The following REDIC1 variants were observed in gnomAD, a reference collection of about 807,000 sequenced individuals.
REDIC1 encodes regulator of DNA class I crossover intermediates 1, also known as HEI10 Interacting Protein 1.
the REDIC1 span, among the ~76,000 whole-genome samples, chr12:39,851,694 C>T: frequency 4.6e-5 from 7 of 152,142 alleles, no homozygotes; most frequent in South Asian, 2.1e-4. Context: ...AGAAAAGCAG[C>T]GGAATGAAGG....
the REDIC1 span, among the ~76,000 whole-genome samples, chr12:39,774,231 G>T: frequency 6.6e-6 from 1 of 152,102 alleles, no homozygotes; most frequent in East Asian, 1.9e-4. Context: ...GAGAACTAAA[G>T]AAGCAAAATC....
chr12:39,874,808 T>C, the REDIC1 span, among the ~76,000 whole-genome samples: 1 of 152,164 alleles, frequency 6.6e-6, no homozygotes, highest in Non-Finnish European at 1.5e-5. Context: ...GACATTACTC[T>C]GGTGAGAGCC....
At chr12:39,728,767 A>C in the REDIC1 span, among the ~76,000 whole-genome samples, 1 of 136,472 alleles carries the variant, frequency 7.3e-6, no homozygotes, top group African/African-American at 2.8e-5. Flanking sequence ...CTCTGAATCC[A>C]TCTGGTCCTG....
At chr12:39,885,064 T>C in the REDIC1 span, among the ~76,000 whole-genome samples, 1 of 152,222 alleles carries the variant, frequency 6.6e-6, no homozygotes, top group East Asian at 1.9e-4. Context: ...GACAGTGATA[T>C]GAATTGTGAC....
the REDIC1 span, among the ~76,000 whole-genome samples, chr12:39,801,788 A>C: frequency 6.6e-6 from 1 of 152,218 alleles, no homozygotes; most frequent in Non-Finnish European, 1.5e-5. Flanking sequence ...TTTGTGCAAA[A>C]TCAGATCAAC....
At chr12:39,807,112 G>T in the REDIC1 span, among the ~76,000 whole-genome samples, 1 of 148,682 alleles carries the variant, frequency 6.7e-6, no homozygotes, top group Non-Finnish European at 1.5e-5. Context: ...TGGTGGAAAA[G>T]TAATTACAGT....
the REDIC1 span, among the ~76,000 whole-genome samples, chr12:39,906,063 C>G: frequency 6.6e-6 from 1 of 152,094 alleles, no homozygotes; most frequent in East Asian, 1.9e-4. Context: ...AACTTTATCA[C>G]GATAGACAAA....
At chr12:39,777,919 C>T in the REDIC1 span, among the ~76,000 whole-genome samples, 1 of 152,224 alleles carries the variant, frequency 6.6e-6, no homozygotes, top group Non-Finnish European at 1.5e-5. Context: ...AGCCCTCTGT[C>T]CCTGCAGTAA....
the REDIC1 span, among the ~76,000 whole-genome samples, chr12:39,880,700 A>C: frequency 1.3e-5 from 2 of 152,230 alleles, no homozygotes; most frequent in East Asian, 1.9e-4. Flanking sequence ...GGATTTCTAC[A>C]TATGCCAATG....
At chr12:39,652,606 A>G in the REDIC1 span, among the ~76,000 whole-genome samples, 19,599 of 152,132 alleles carry the variant, frequency 0.13, 1,403 homozygotes, top group East Asian at 0.19. Flanking sequence ...GAAGTCCGAC[A>G]TTAATTTTTT....
chr12:39,896,292 G>GTGTGTATATATGTATACATGTATGTATA, the REDIC1 span, among the ~76,000 whole-genome samples: 1 of 36,796 alleles, frequency 2.7e-5, no homozygotes, highest in African/African-American at 8.7e-5. Flanking sequence ...GTATGTATAT[G>GTGTGTATATATGTATACATGTATGTATA]TGTGTATATA....
the REDIC1 span, among the ~76,000 whole-genome samples, chr12:39,905,459 T>C: frequency 6.6e-6 from 1 of 152,182 alleles, no homozygotes; most frequent in African/African-American, 2.4e-5. Flanking sequence ...ATCATCATGA[T>C]TTTAATTAAG....
At chr12:39,726,399 G>A in the REDIC1 span, among the ~76,000 whole-genome samples, 1 of 152,084 alleles carries the variant, frequency 6.6e-6, no homozygotes, top group African/African-American at 2.4e-5. Context: ...ACTTACGAGT[G>A]AGAACATGCA....
At chr12:39,754,293 T>C in the REDIC1 span, 1 of 152,140 alleles carries the variant, frequency 6.6e-6, no homozygotes, top group Non-Finnish European at 1.5e-5. Flanking sequence ...TGCCCACTGA[T>C]ACTGACATGT....
the REDIC1 span, among the ~76,000 whole-genome samples, chr12:39,744,500 A>T: frequency 6.6e-6 from 1 of 152,222 alleles, no homozygotes; most frequent in African/African-American, 2.4e-5. Context: ...ATTATAGCTT[A>T]TGTATAAGTG....
At chr12:39,682,729 A>G in the REDIC1 span, 1 of 1,613,408 alleles carries the variant, frequency 6.2e-7, no homozygotes, top group Non-Finnish European at 8.5e-7. Flanking sequence ...AATACAGCAT[A>G]TTTGGGGGAA....
chr12:39,709,166 A>G, the REDIC1 span, among the ~76,000 whole-genome samples: 4 of 151,304 alleles, frequency 2.6e-5, no homozygotes, highest in South Asian at 6.2e-4. Flanking sequence ...CTTTAGCATG[A>G]ATATACATCC....
chr12:39,655,492 C>T, the REDIC1 span, among the ~76,000 whole-genome samples: 1 of 152,122 alleles, frequency 6.6e-6, no homozygotes, highest in African/African-American at 2.4e-5. Flanking sequence ...GTACACACAG[C>T]CTTACACATG....
At chr12:39,637,825 C>A in the REDIC1 span, among the ~76,000 whole-genome samples, 1 of 152,010 alleles carries the variant, frequency 6.6e-6, no homozygotes, top group Non-Finnish European at 1.5e-5. Flanking sequence ...GGAATATAGT[C>A]TCTTATTACG....
Sources: gnomAD v4.1 joint callset for allele counts (sites outside exome capture counted in the v4.1 genomes callset) on GRCh38, gnomAD v4.1.1 for gene constraint, MANE v1.5 for transcripts, NCBI Gene and HGNC (gene_info 2026-07-23, HGNC 2026-07-21) for gene names.